The following LIMD1 variants were observed in gnomAD, a reference collection of about 807,000 sequenced individuals.
LIMD1 encodes the protein LIM domain containing 1.
LIMD1 carries 23 observed loss-of-function variants against 58.4 expected under a neutral mutation model. The observed-to-expected ratio is 0.39, with a 90% CI of 0.28 to 0.56. The LOEUF (loss-of-function observed/expected upper bound fraction) is 0.56, where lower values mean the gene tolerates loss of function less well. Among genes scored for constraint, LIMD1 ranks in the 20% least tolerant of loss-of-function variants. The probability of loss-of-function intolerance (pLI) is 0.57; values close to 1 mark genes in which losing one functional copy is unlikely to be tolerated. For synonymous variants in LIMD1, 334 were observed against 345.5 expected (o/e 0.97, Z 0.37); for missense variants, 838 against 855.5 (o/e 0.98, Z 0.25).
chr3:45,611,944 G>T (rs900327), intron 1 of LIMD1, among the ~76,000 whole-genome samples: 1 of 151,968 alleles, frequency 6.6e-6, no homozygotes, highest in African/African-American at 2.4e-5. Context: ...GCCCAAATTT[G>T]TAGCCAGAGA....
intron 7 of LIMD1, 55 bp downstream of exon 7, chr3:45,674,466 G>C: frequency 8.0e-7 from 1 of 1,246,392 alleles, no homozygotes; most frequent in East Asian, 3.5e-5. Context: ...CAAGAGAAAA[G>C]CATCCTGCGT....
At chr3:45,660,009 T>A (rs1697407572) in intron 2 of LIMD1, among the ~76,000 whole-genome samples, 1 of 152,252 alleles carries the variant, frequency 6.6e-6, no homozygotes, top group African/African-American at 2.4e-5. Context: ...TGCTTCTGCA[T>A]GTTCAATGAT....
chr3:45,652,071 C>T (rs569403855), intron 2 of LIMD1, among the ~76,000 whole-genome samples: 1 of 152,040 alleles, frequency 6.6e-6, no homozygotes. Context: ...GGATTACAGG[C>T]ATGAGCCACC....
rs114179814 is a variant in LIMD1, at chr3:45,675,908, C to T, written c.1894-1014C>T. Reference sequence around the variant, plus strand: ...TCTCAGCTACTTAGGAAGCTAGGATCGTGTCACTGCACTCTACTCTGGGTG... The same window carrying T: ...TCTCAGCTACTTAGGAAGCTAGGATTGTGTCACTGCACTCTACTCTGGGTG... On this transcript the variant is annotated intron_variant, in intron 7 of 7. Coordinates refer to ENST00000273317, the MANE Select transcript of LIMD1 (RefSeq NM_014240.3). 3.7e-3 allele frequency among the ~76,000 whole-genome samples: 568 copies of T among 152,080 alleles called. 3 individuals are homozygous for T. Among genetic ancestry groups the T allele is most frequent in the African/African-American group, 0.012 (506 of 41,448 alleles).
chr3:45,623,015 T>G (rs561495662), intron 1 of LIMD1, among the ~76,000 whole-genome samples: 59 of 152,190 alleles, frequency 3.9e-4, no homozygotes, highest in Non-Finnish European at 7.6e-4. Context: ...CCAGAAAGGT[T>G]GTCCACGTTT....
chr3:45,645,031 C>G (rs998033496), intron 2 of LIMD1, among the ~76,000 whole-genome samples: 1 of 152,194 alleles, frequency 6.6e-6, no homozygotes, highest in African/African-American at 2.4e-5. Flanking sequence ...AATGAGTCAG[C>G]AGGACCTAAG....
At chr3:45,629,338 A>C (rs1244447230) in intron 1 of LIMD1, among the ~76,000 whole-genome samples, 2 of 149,324 alleles carry the variant, frequency 1.3e-5, no homozygotes, top group African/African-American at 2.5e-5. Flanking sequence ...GCTTGAACCC[A>C]GGAGGCAGAG....
At chr3:45,670,770 G>A (rs1167901539) in intron 4 of LIMD1, among the ~76,000 whole-genome samples, 1 of 152,146 alleles carries the variant, frequency 6.6e-6, no homozygotes, top group Non-Finnish European at 1.5e-5. Context: ...CTACCATATG[G>A]GATAGTATGA....
Position 45,595,729 on chromosome 3 carries a change from G to A in LIMD1, c.850G>A (p.Ala284Thr). The A allele has an allele frequency of 6.2e-7, 1 of 1,614,112 alleles. No individual in the cohort carries two copies. Among genetic ancestry groups the A allele is most frequent in the Middle Eastern group, 1.6e-4 (1 of 6,062 alleles). Reference protein sequence around the residue: ...GLPSPNLENGAPAVGPVQPRT... With the variant: ...GLPSPNLENGTPAVGPVQPRT... ...GCCTTCCCCAAACTTGGAGAACGGA[G>A]CACCAGCTGTGGGGCCTGTTCAGCC... Residue 284 changes from alanine (A) to threonine (T), a missense_variant, in exon 1 of 8, where the codon GCA (alanine) becomes ACA (threonine). Around this residue, in one of 3 missense-constraint regions of LIMD1, gnomAD observed 659 missense variants for 639.8 expected, o/e 1.03. Coordinates refer to ENST00000273317, the MANE Select transcript of LIMD1 (RefSeq NM_014240.3).
Position 45,632,833 on chromosome 3 carries a change from G to C in LIMD1, c.1409-3317G>C, listed in dbSNP as rs562502950. Among the ~76,000 whole-genome samples, 3 of 152,284 alleles carry C rather than the reference G, an allele frequency of 2.0e-5. No homozygotes were observed. In the East Asian group the frequency reaches 5.8e-4, roughly 29 times the overall value. On this transcript the variant is annotated intron_variant, in intron 1 of 7. Coordinates refer to ENST00000273317, the MANE Select transcript of LIMD1 (RefSeq NM_014240.3). ...CCCACTTGGCTCGGCCTGGTCCAGT[G>C]GTCACTGTGCATGGGCCCCTAGCAG...
chr3:45,666,981 C>G (rs978060095), intron 3 of LIMD1, among the ~76,000 whole-genome samples: 19 of 152,308 alleles, frequency 1.2e-4, no homozygotes, highest in African/African-American at 4.3e-4. Context: ...CTAGCAAACC[C>G]AAACGGGCTT....
intron 2 of LIMD1, among the ~76,000 whole-genome samples, chr3:45,656,160 T>A (rs1350999286): frequency 1.3e-5 from 2 of 152,192 alleles, no homozygotes; most frequent in Non-Finnish European, 2.9e-5. Flanking sequence ...ACCAAGAACC[T>A]GACCCTACTA....
At chr3:45,618,600 A>G (rs1461995292) in intron 1 of LIMD1, among the ~76,000 whole-genome samples, 2 of 152,138 alleles carry the variant, frequency 1.3e-5, no homozygotes, top group Non-Finnish European at 2.9e-5. Flanking sequence ...CCTTTCCTAG[A>G]AAGGGAGGGA....
intron 1 of LIMD1, among the ~76,000 whole-genome samples, chr3:45,617,230 A>G (rs952760804): frequency 1.3e-5 from 2 of 150,614 alleles, no homozygotes; most frequent in African/African-American, 4.9e-5. Flanking sequence ...TATTTTTAGT[A>G]GAGATGGGGT....
rs757342006 is a variant in LIMD1 at position 45,606,780 on chromosome 3, AC to A, written c.1408+10495del. ...CCAGGCTGTGTGCAGAGGTGCTTGA[AC>A]CAAATTTTGTTTTGTTTTGTCTTTT... On this transcript the variant is annotated intron_variant, in intron 1 of 7. Coordinates refer to ENST00000273317, the MANE Select transcript of LIMD1 (RefSeq NM_014240.3). 2.6e-5 allele frequency among the ~76,000 whole-genome samples: 4 copies of A among 152,090 alleles called. No individual in the cohort carries two copies. In the South Asian group the frequency reaches 6.2e-4, roughly 24 times the overall value.
chr3:45,674,174 G>C (rs994007809), intron 6 of LIMD1, among the ~76,000 whole-genome samples, 169 bp from the exon 7 acceptor site: 1 of 152,092 alleles, frequency 6.6e-6, no homozygotes, highest in African/African-American at 2.4e-5. Flanking sequence ...CCTCTCATCA[G>C]CTTAAATGTA....
At chr3:45,604,006 G>T (rs184020264) in intron 1 of LIMD1, among the ~76,000 whole-genome samples, 1 of 152,162 alleles carries the variant, frequency 6.6e-6, no homozygotes, top group Admixed American at 6.5e-5. Flanking sequence ...AGTGTCCAAG[G>T]ATCAGCTGTC....
At chr3:45,669,301 G>T (rs1697561327) in intron 4 of LIMD1, among the ~76,000 whole-genome samples, 1 of 152,120 alleles carries the variant, frequency 6.6e-6, no homozygotes, top group African/African-American at 2.4e-5. Flanking sequence ...TTAATATACT[G>T]ATCAGAGGAA....
intron 1 of LIMD1, among the ~76,000 whole-genome samples, chr3:45,624,436 G>A (rs780744875): frequency 6.6e-6 from 1 of 152,068 alleles, no homozygotes; most frequent in Non-Finnish European, 1.5e-5. Context: ...GGCCAGGCGC[G>A]GTGTCTCACG....
Sources: gnomAD v4.1 joint callset for allele counts (sites outside exome capture counted in the v4.1 genomes callset) on GRCh38, gnomAD v4.1.1 for gene constraint, gnomAD v4.1.1 regional missense constraint, MANE v1.5 for transcripts, NCBI Gene and HGNC (gene_info 2026-07-23, HGNC 2026-07-21) for gene names.